L3MBTL4: variants seen among roughly 807,000 people sequenced by gnomAD.
L3MBTL4 encodes the protein L3MBTL histone methyl-lysine binding protein 4.
A neutral mutation model predicts 84.5 loss-of-function variants in L3MBTL4; 70 were observed. The observed-to-expected ratio is 0.83, with a 90% CI of 0.68 to 1.01. The LOEUF (loss-of-function observed/expected upper bound fraction) is 1.01, where lower values mean the gene tolerates loss of function less well. Among genes scored for constraint, L3MBTL4 ranks in the 50% least tolerant of loss-of-function variants. The pLI, the probability that L3MBTL4 is intolerant of heterozygous loss-of-function variation, is 0.00. For missense variants in L3MBTL4, 715 were observed against 754.8 expected (o/e 0.95, Z 0.62); for synonymous variants, 274 against 259.8 (o/e 1.05, Z -0.52).
chr18:6,150,446 C>T (rs934253274), intron 13 of L3MBTL4, among the ~76,000 whole-genome samples: 22 of 151,694 alleles, frequency 1.5e-4, no homozygotes, highest in African/African-American at 3.4e-4. Context: ...CACACACACA[C>T]GCACATACAC....
intron 18 of L3MBTL4, among the ~76,000 whole-genome samples, chr18:5,958,056 GAGAAGGAGAAGAAGAAGA>G (rs1567911037): frequency 4.6e-5 from 6 of 130,458 alleles, no homozygotes; most frequent in South Asian, 2.7e-4. Flanking sequence ...GAAGGAGAAG[GAGAAGGAGAAGAAGAAGA>G]AGAAGAAGAA....
At chr18:6,196,630 G>C (rs766757451) in intron 12 of L3MBTL4, among the ~76,000 whole-genome samples, 2 of 152,278 alleles carry the variant, frequency 1.3e-5, no homozygotes, top group South Asian at 2.1e-4. Context: ...AAAAGAAAAT[G>C]TCCAAAGCCT....
At chr18:6,167,152 C>CA (rs2098139793) in intron 13 of L3MBTL4, among the ~76,000 whole-genome samples, 1 of 152,308 alleles carries the variant, frequency 6.6e-6, no homozygotes, top group African/African-American at 2.4e-5. Flanking sequence ...CTGAATAGAT[C>CA]AATAACAGGC....
intron 16 of L3MBTL4, among the ~76,000 whole-genome samples, chr18:5,976,989 C>T (rs568406590): frequency 8.5e-5 from 13 of 152,172 alleles, no homozygotes; most frequent in South Asian, 8.3e-4. Flanking sequence ...CTCTGGACTC[C>T]GGAGGGCATC....
chr18:6,020,584 A>AC (rs78777067), intron 16 of L3MBTL4, among the ~76,000 whole-genome samples: 6,996 of 152,294 alleles, frequency 0.046, 180 homozygotes, highest in South Asian at 0.075. Flanking sequence ...ATAAGGAGAC[A>AC]CCATCCTGTA....
chr18:6,092,330 A>G (rs998511962), intron 15 of L3MBTL4, among the ~76,000 whole-genome samples: 1 of 152,238 alleles, frequency 6.6e-6, no homozygotes, highest in African/African-American at 2.4e-5. Context: ...TCTCCGAATA[A>G]ACTGGCGCCC....
intron 16 of L3MBTL4, among the ~76,000 whole-genome samples, chr18:5,994,173 A>G (rs1308314372): frequency 6.6e-6 from 1 of 152,168 alleles, no homozygotes; most frequent in Non-Finnish European, 1.5e-5. Flanking sequence ...AAGCCTAGGC[A>G]CTGCGCAGTG....
At chr18:6,139,494 T>A (rs1246684047) in intron 13 of L3MBTL4, among the ~76,000 whole-genome samples, 1 of 151,268 alleles carries the variant, frequency 6.6e-6, no homozygotes, top group Non-Finnish European at 1.5e-5. Flanking sequence ...TAAACACACA[T>A]GCACACACAC....
intron 16 of L3MBTL4, among the ~76,000 whole-genome samples, chr18:5,992,008 ATCC>A (rs2053721410): frequency 1.3e-5 from 2 of 151,818 alleles, no homozygotes; most frequent in Non-Finnish European, 2.9e-5. Flanking sequence ...CCATCCATCC[ATCC>A]ATCCATCCAT....
In L3MBTL4 at chr18:6,012,892, G is replaced by T. The variant is rs543312150; in HGVS notation, c.1445-43330C>A. ...GTGCCTTTACTCTCTGTGCAAGCTT[G>T]TCTCTCGTTCCATCTCTAATTTGCT... On this transcript the variant is annotated intron_variant, in intron 16 of 18. Transcript: ENST00000317931. 3.0e-3 allele frequency among the ~76,000 whole-genome samples: 459 copies of T among 152,206 alleles called. 2 individuals are homozygous for T. Among genetic ancestry groups the T allele is most frequent in the Non-Finnish European group, 4.4e-3 (302 of 68,012 alleles).
At chr18:6,093,627 G>T in intron 14 of L3MBTL4, 99 bp from the exon 15 acceptor site, 3 of 953,164 alleles carry the variant, frequency 3.1e-6, no homozygotes, top group Non-Finnish European at 4.4e-6. Flanking sequence ...TTTAAAAATT[G>T]CATAGAAACA....
intron 3 of L3MBTL4, among the ~76,000 whole-genome samples, chr18:6,308,266 G>A (rs538289767): frequency 1.2e-4 from 18 of 152,240 alleles, no homozygotes; most frequent in East Asian, 1.9e-4. Context: ...TTACCCATAC[G>A]GTAGAAGCAA....
intron 16 of L3MBTL4, among the ~76,000 whole-genome samples, chr18:5,996,067 C>T (rs923733039): frequency 6.6e-6 from 1 of 152,168 alleles, no homozygotes; most frequent in African/African-American, 2.4e-5. Flanking sequence ...TCTAGCATAT[C>T]GACTTTGGAA....
At chr18:6,389,749 T>C (rs936312343) in intron 1 of L3MBTL4, among the ~76,000 whole-genome samples, 1 of 152,012 alleles carries the variant, frequency 6.6e-6, no homozygotes, top group Non-Finnish European at 1.5e-5. Context: ...AACAGGAAAC[T>C]ATCACCCTAA....
intron 10 of L3MBTL4, among the ~76,000 whole-genome samples, chr18:6,232,316 A>G (rs1430090419): frequency 3.3e-5 from 5 of 152,026 alleles, no homozygotes; most frequent in African/African-American, 1.2e-4. Context: ...TTTTTGCATC[A>G]GTGTTCCTGA....
At chr18:6,069,992 G>A (rs2057531359) in intron 16 of L3MBTL4, among the ~76,000 whole-genome samples, 1 of 152,074 alleles carries the variant, frequency 6.6e-6, no homozygotes, top group Admixed American at 6.5e-5. Flanking sequence ...TTGAAAATAG[G>A]CCACTAGAAA....
intron 12 of L3MBTL4, among the ~76,000 whole-genome samples, chr18:6,203,301 C>T (rs985577091): frequency 1.1e-4 from 17 of 152,170 alleles, no homozygotes; most frequent in Admixed American, 8.5e-4. Flanking sequence ...GTAGGATAGC[C>T]GACTCCTCCC....
intron 16 of L3MBTL4, among the ~76,000 whole-genome samples, chr18:6,068,524 C>A: frequency 6.6e-6 from 1 of 152,190 alleles, no homozygotes; most frequent in East Asian, 1.9e-4. Flanking sequence ...ACAGGTAACT[C>A]TTTGCATCTG....
chr18:6,351,312 G>C (rs2053174253), intron 1 of L3MBTL4, among the ~76,000 whole-genome samples: 1 of 152,144 alleles, frequency 6.6e-6, no homozygotes, highest in East Asian at 1.9e-4. Flanking sequence ...ACCTAGAATT[G>C]TCAAATTCAT....
Sources: allele counts gnomAD v4.1 joint callset (sites outside exome capture counted in the v4.1 genomes callset), GRCh38; gene constraint gnomAD v4.1.1; transcripts MANE v1.5; gene names NCBI Gene and HGNC (gene_info 2026-07-23, HGNC 2026-07-21).